Variants in SIAH3 observed in about 807,000 individuals in gnomAD.
SIAH3 encodes siah E3 ubiquitin protein ligase family member 3, also known as seven in absentia homolog 3.
In SIAH3, 9 loss-of-function variants were observed where a neutral mutation model predicts 12.6. The ratio of observed to expected loss-of-function variants is 0.72; its 90% CI spans 0.43 to 1.25. SIAH3 has a LOEUF of 1.25. Among genes scored for constraint, SIAH3 ranks in the 50% most tolerant of loss-of-function variants. The pLI is 0.00. For missense variants in SIAH3, 390 were observed against 365.4 expected, an observed-to-expected ratio of 1.07 and a Z score of -0.55; for synonymous variants, 154 against 151.1, an observed-to-expected ratio of 1.02 and a Z score of -0.14.
chr13:45,779,997 CA>C lies in SIAH3; in HGVS notation c.*3385del, dbSNP rs760339645. ...AAACCTCTGGCAGATGCCTGAAGTTCAGATACTGGTAACTCATTTTTCACTG... is the reference window on the plus strand; with the variant it reads ...AAACCTCTGGCAGATGCCTGAAGTTCGATACTGGTAACTCATTTTTCACTG... On this transcript the variant is annotated 3_prime_UTR_variant, in exon 2 of 2. Coordinates refer to ENST00000400405, the MANE Select transcript of SIAH3 (RefSeq NM_198849.3). 2 of 152,254 alleles carry C rather than the reference CA, an allele frequency of 1.3e-5. No individual in the cohort carries two copies. Among genetic ancestry groups the C allele is most frequent in the Non-Finnish European group, 2.9e-5 (2 of 68,048 alleles). 9.4% of individuals were successfully genotyped at this position (152,254 alleles called of 1,614,324 possible).
At chr13:45,845,974 GT>G (rs1246799143) in intron 1 of SIAH3, among the ~76,000 whole-genome samples, 1 of 150,988 alleles carries the variant, frequency 6.6e-6, no homozygotes, top group East Asian at 2.0e-4. Context: ...ACCCTTGCAA[GT>G]TTTCGCTCCC....
chr13:45,834,309 T>C (rs1449737002), intron 1 of SIAH3, among the ~76,000 whole-genome samples: 1 of 152,216 alleles, frequency 6.6e-6, no homozygotes, highest in East Asian at 1.9e-4. Flanking sequence ...GTTATCAGCA[T>C]TTATCTCTAC....
At chr13:45,838,015 C>G (rs983985998) in intron 1 of SIAH3, among the ~76,000 whole-genome samples, 1 of 152,150 alleles carries the variant, frequency 6.6e-6, no homozygotes, top group South Asian at 2.1e-4. Flanking sequence ...ACCACATCAC[C>G]CCCCATTTGG....
At chr13:45,800,732 C>T (rs1950578818) in intron 1 of SIAH3, among the ~76,000 whole-genome samples, 2 of 152,172 alleles carry the variant, frequency 1.3e-5, no homozygotes, top group Admixed American at 1.3e-4. Context: ...CATCTCAGCC[C>T]GTCATGCGAA....
In SIAH3 at chr13:45,779,116, G is replaced by A. The variant is rs114527281; in HGVS notation, c.*4267C>T. 592 of 152,306 alleles carry A rather than the reference G, an allele frequency of 3.9e-3. 1 individual carries two copies. The highest frequency in any genetic ancestry group is 0.014 in the African/African-American group (567 of 41,550). The allele number at this position is 152,306 out of a possible 1,614,324, so 9.4% of individuals were successfully genotyped here. Reference sequence around the variant, plus strand: ...CATGACGTCACTAAATGTGGAGCTGGAAGATGCGGTGCAGCACATTATTAT... The same window carrying A: ...CATGACGTCACTAAATGTGGAGCTGAAAGATGCGGTGCAGCACATTATTAT... On this transcript the variant is annotated 3_prime_UTR_variant, in exon 2 of 2. Transcript: ENST00000400405.
intron 1 of SIAH3, among the ~76,000 whole-genome samples, chr13:45,833,795 A>G (rs184738287): frequency 2.6e-5 from 4 of 152,258 alleles, no homozygotes; most frequent in South Asian, 2.1e-4. Context: ...CCATGCCCAG[A>G]GCTGGCTCCC....
At position 45,777,930 on chromosome 13, in the gene SIAH3, G is replaced by A. The variant is rs1232147127; in HGVS notation, c.*5453C>T. Reference sequence around the variant, plus strand: ...CTGCCTGCTTCAATGGACTTAGCTGGAAGTTTCCAGTGACTCTTGTCCTAG... The same window carrying A: ...CTGCCTGCTTCAATGGACTTAGCTGAAAGTTTCCAGTGACTCTTGTCCTAG... On this transcript the variant is annotated 3_prime_UTR_variant, in exon 2 of 2. Transcript: ENST00000400405. The A allele has an allele frequency of 6.6e-6, 1 of 152,198 alleles. No individual in the cohort carries two copies. Among genetic ancestry groups the A allele is most frequent in the Non-Finnish European group, 1.5e-5 (1 of 68,046 alleles). 9.4% of individuals were successfully genotyped at this position (152,198 alleles called of 1,614,324 possible).
At chr13:45,804,615 A>G (rs12872822) in intron 1 of SIAH3, among the ~76,000 whole-genome samples, 60,752 of 151,972 alleles carry the variant, frequency 0.4, 13,098 homozygotes, top group African/African-American at 0.53. Flanking sequence ...ACATTATACT[A>G]AAGGGGCAAA....
intron 1 of SIAH3, among the ~76,000 whole-genome samples, chr13:45,826,385 A>G (rs1473078927): frequency 0.013 from 65 of 5,054 alleles, 7 homozygotes; most frequent in Non-Finnish European, 0.03. Context: ...GAATGAATGG[A>G]TGGATGGATG....
chr13:45,851,692 C>A lies in SIAH3; in HGVS notation c.-63G>T. 2 of 1,607,868 alleles carry A rather than the reference C, an allele frequency of 1.2e-6. No individual in the cohort carries two copies. The highest frequency in any genetic ancestry group is 1.7e-6 in the Non-Finnish European group (2 of 1,176,200). On this transcript the variant is annotated 5_prime_UTR_variant, in exon 1 of 2. It adds an upstream start codon to the 5' untranslated region. Transcript: ENST00000400405. ...GGAGGAAGCTGTGAGTCCTTGGGCC[C>A]TGGAAGGAGCGCAGCCTCTGAGACA...
intron 1 of SIAH3, among the ~76,000 whole-genome samples, chr13:45,787,785 G>C (rs915302355): frequency 2.6e-5 from 4 of 152,190 alleles, no homozygotes; most frequent in Non-Finnish European, 5.9e-5. Flanking sequence ...ATATCCAAGA[G>C]ACCCAGCTAT....
rs1205724543 is a variant in SIAH3, at chr13:45,783,557, G to A, written c.636C>T (p.Leu212=). ...RLELNRNHRR[L]KWEATPRSVL... ...CAGACCGGGGCGTGGCCTCCCACTT[G>A]AGGCGCCGATGGTTTCTGTTGAGCT... The change falls in exon 2 of 2, where the codon CTC becomes CTT. Residue 212 remains leucine (L), a synonymous_variant. Transcript: ENST00000400405. The A allele has an allele frequency of 6.2e-7, 1 of 1,614,128 alleles. No homozygotes were observed. The highest frequency in any genetic ancestry group is 8.5e-7 in the Non-Finnish European group (1 of 1,180,056).
chr13:45,807,655 A>G (rs1950602638), intron 1 of SIAH3, among the ~76,000 whole-genome samples: 1 of 152,196 alleles, frequency 6.6e-6, no homozygotes, highest in African/African-American at 2.4e-5. Context: ...TCAGTGTAAA[A>G]AAGTCAGGAC....
At chr13:45,808,769 G>A (rs1160195142) in intron 1 of SIAH3, among the ~76,000 whole-genome samples, 1 of 152,060 alleles carries the variant, frequency 6.6e-6, no homozygotes, top group Non-Finnish European at 1.5e-5. Flanking sequence ...TCAACACTGG[G>A]CACAGTAGGG....
intron 1 of SIAH3, among the ~76,000 whole-genome samples, chr13:45,784,536 C>T (rs1052437887): frequency 1.3e-5 from 2 of 150,152 alleles, no homozygotes; most frequent in Non-Finnish European, 2.9e-5. Flanking sequence ...GCCCATTTGT[C>T]CTTCCAGTGT....
At chr13:45,791,530 G>A (rs979939445) in intron 1 of SIAH3, among the ~76,000 whole-genome samples, 88 of 152,164 alleles carry the variant, frequency 5.8e-4, no homozygotes, top group Middle Eastern at 3.4e-3. Flanking sequence ...AAGTGTCCAC[G>A]GCTGTGAGCT....
intron 1 of SIAH3, among the ~76,000 whole-genome samples, chr13:45,788,496 C>T (rs549485966): frequency 8.5e-4 from 129 of 152,264 alleles, no homozygotes; most frequent in African/African-American, 2.9e-3. Context: ...TAGAATAATG[C>T]GCAAAATTGG....
intron 1 of SIAH3, among the ~76,000 whole-genome samples, chr13:45,815,796 C>G (rs377496787): frequency 6.6e-6 from 1 of 152,216 alleles, no homozygotes; most frequent in Non-Finnish European, 1.5e-5. Context: ...TGAAATGAGA[C>G]TCAAGTCTAG....
chr13:45,847,622 C>CGTGT (rs112078778), intron 1 of SIAH3, among the ~76,000 whole-genome samples: 21,093 of 146,874 alleles, frequency 0.14, 2,344 homozygotes, highest in African/African-American at 0.31. Context: ...TCCATGTGTT[C>CGTGT]GTGTGTGTGT....
Sources: gnomAD v4.1 joint callset for allele counts (sites outside exome capture counted in the v4.1 genomes callset) on GRCh38, gnomAD v4.1.1 for gene constraint, MANE v1.5 for transcripts, NCBI Gene and HGNC (gene_info 2026-07-23, HGNC 2026-07-21) for gene names.